Variants in TRDN observed in about 807,000 individuals in gnomAD.
TRDN encodes triadin in skeletal muscle.
A neutral mutation model predicts 149.7 loss-of-function variants in TRDN; 161 were observed. That is an observed-to-expected ratio of 1.08 (90% CI 0.95 to 1.23). The LOEUF is 1.23. TRDN is among the 50% of genes most tolerant of loss of function. TRDN has a pLI of 0.00. For missense variants in TRDN, 896 were observed against 823.5 expected (o/e 1.09, Z -1.08); for synonymous variants, 294 against 250.5 (o/e 1.17, Z -1.64).
chr6:123,410,985 G>GA lies in TRDN; in HGVS notation c.1052-17309dup, dbSNP rs530255336. On this transcript the variant is annotated intron_variant, in intron 12 of 40. Coordinates refer to ENST00000334268, the MANE Select transcript of TRDN (RefSeq NM_006073.4). ...CGGCCAAATTTGATATTTACAAGCA[G>GA]AAGAGTGCCTGGTGTGTAGCTGTTA... Among the ~76,000 whole-genome samples the GA allele has an allele frequency of 3.5e-3, 535 of 151,308 alleles. 1 individual carries two copies. The highest frequency in any genetic ancestry group is 6.1e-3 in the Non-Finnish European group (417 of 67,900).
At chr6:123,421,430 T>C in intron 12 of TRDN, among the ~76,000 whole-genome samples, 1 of 152,166 alleles carries the variant, frequency 6.6e-6, no homozygotes, top group Non-Finnish European at 1.5e-5. Flanking sequence ...ATTATCCAGT[T>C]GTGCCCACAA....
intron 23 of TRDN, among the ~76,000 whole-genome samples, chr6:123,323,944 C>A (rs1582872508): frequency 6.6e-6 from 1 of 152,246 alleles, no homozygotes; most frequent in Admixed American, 6.5e-5. Context: ...GAGGTGGCTG[C>A]ATGCATTTGT....
At chr6:123,334,116 A>G (rs1321392598) in intron 22 of TRDN, among the ~76,000 whole-genome samples, 2 of 152,032 alleles carry the variant, frequency 1.3e-5, no homozygotes, top group African/African-American at 4.8e-5. Context: ...CGAAGTCTTC[A>G]GACAACTTAC....
chr6:123,472,414 C>A (rs1362588412), intron 9 of TRDN, among the ~76,000 whole-genome samples: 3 of 152,246 alleles, frequency 2.0e-5, no homozygotes, highest in Non-Finnish European at 4.4e-5. Context: ...TATCCCACAC[C>A]TGGCTCGGAG....
chr6:123,509,259 C>T (rs1779062365), intron 7 of TRDN, among the ~76,000 whole-genome samples: 1 of 151,958 alleles, frequency 6.6e-6, no homozygotes, highest in Non-Finnish European at 1.5e-5. Context: ...CAAGCAGACT[C>T]AAGATGGCTC....
At chr6:123,630,044 AAACTT>A (rs1353224663) in intron 1 of TRDN, among the ~76,000 whole-genome samples, 1 of 152,014 alleles carries the variant, frequency 6.6e-6, no homozygotes, top group East Asian at 1.9e-4. Flanking sequence ...GAGACAGCAA[AAACTT>A]AACCTTGACA....
chr6:123,249,489 T>G lies in TRDN; in HGVS notation c.1975+2923A>C, dbSNP rs1326669449. Among the ~76,000 whole-genome samples the G allele has an allele frequency of 3.9e-5, 6 of 152,156 alleles. No individual in the cohort carries two copies. In the East Asian group the frequency reaches 9.6e-4, roughly 24 times the overall value. On this transcript the variant is annotated intron_variant, in intron 38 of 40. Coordinates refer to ENST00000334268, the MANE Select transcript of TRDN (RefSeq NM_006073.4). ...AAAGATACCTGTACTTCTATGTTTA[T>G]TGCAGCACTATTCACAATAGCAAAG...
chr6:123,253,735 A>G (rs946397161), intron 37 of TRDN, among the ~76,000 whole-genome samples: 5 of 152,164 alleles, frequency 3.3e-5, no homozygotes, highest in Admixed American at 6.6e-5. Context: ...TTAAAACGAT[A>G]GATTCACAGA....
At chr6:123,354,347 A>G (rs1780578672) in intron 20 of TRDN, among the ~76,000 whole-genome samples, 1 of 151,862 alleles carries the variant, frequency 6.6e-6, no homozygotes, top group Non-Finnish European at 1.5e-5. Flanking sequence ...AGTGAAAACA[A>G]TTTAAGGAAA....
intron 2 of TRDN, among the ~76,000 whole-genome samples, chr6:123,569,488 TAAGCTCTTGCATTGCTATA>T (rs1383770163): frequency 3.3e-5 from 5 of 152,182 alleles, no homozygotes; most frequent in South Asian, 2.1e-4. Context: ...TTTTCTGTAT[TAAGCTCTTGCATTGCTATA>T]AAGCTCTTGC....
intron 19 of TRDN, 121 bp from the exon 20 acceptor site, chr6:123,366,303 T>C: frequency 1.1e-6 from 1 of 898,274 alleles, no homozygotes; most frequent in Non-Finnish European, 1.6e-6. Context: ...CAAAGCAAGC[T>C]GTAGAGAAAG....
intron 24 of TRDN, among the ~76,000 whole-genome samples, chr6:123,314,606 A>G (rs961620404): frequency 6.6e-6 from 1 of 152,080 alleles, no homozygotes; most frequent in Non-Finnish European, 1.5e-5. Flanking sequence ...ATGCTCATCA[A>G]TGATAGACTG....
chr6:123,601,222 G>A (rs1784258675), intron 1 of TRDN, among the ~76,000 whole-genome samples: 2 of 152,256 alleles, frequency 1.3e-5, no homozygotes, highest in South Asian at 4.1e-4. Flanking sequence ...TGGATGCACA[G>A]CAGAGATAGA....
rs868229470 is a variant in TRDN, at chr6:123,584,271, A to G, written c.23-13139T>C. Among the ~76,000 whole-genome samples the G allele has an allele frequency of 1.1e-3, 174 of 151,424 alleles. 1 individual carries two copies. The highest frequency in any genetic ancestry group is 3.2e-3 in the African/African-American group (132 of 41,236). On this transcript the variant is annotated intron_variant, in intron 1 of 40. Coordinates refer to ENST00000334268, the MANE Select transcript of TRDN (RefSeq NM_006073.4). ...GGGGAGCAGAAAGTATATGCGTCAG[A>G]TATGAGGAAGAAAATAGATTTTGGA...
chr6:123,610,130 C>G (rs1784727089), intron 1 of TRDN, among the ~76,000 whole-genome samples: 1 of 152,122 alleles, frequency 6.6e-6, no homozygotes, highest in Admixed American at 6.6e-5. Context: ...CATGCAATAG[C>G]TATTAAGAGT....
At chr6:123,309,351 T>A (rs1417700818) in intron 24 of TRDN, among the ~76,000 whole-genome samples, 1 of 151,956 alleles carries the variant, frequency 6.6e-6, no homozygotes, top group African/African-American at 2.4e-5. Context: ...CATTCCTGTC[T>A]CTAGGCTAGC....
chr6:123,393,723 A>G, intron 12 of TRDN, 46 bp from the exon 13 acceptor site: 1 of 1,532,486 alleles, frequency 6.5e-7, no homozygotes, highest in Non-Finnish European at 8.9e-7. Flanking sequence ...TGATTTTGGA[A>G]AAATATATAA....
rs79375593 is a variant in TRDN at position 123,249,275 on chromosome 6, CA to C, written c.1975+3136del. ...GTCAGAATGGCTATTATTAAAAAGT[CA>C]AAAAAAATATGTTGACGAGGATGTG... On this transcript the variant is annotated intron_variant, in intron 38 of 40. Transcript: ENST00000334268. 4.8e-3 allele frequency among the ~76,000 whole-genome samples: 723 copies of C among 151,184 alleles called. 24 individuals are homozygous for C. The South Asian group carries it at 0.076, about 16-fold the overall frequency.
intron 2 of TRDN, among the ~76,000 whole-genome samples, chr6:123,562,521 G>T (rs1283045894): frequency 6.6e-6 from 1 of 152,164 alleles, no homozygotes; most frequent in Non-Finnish European, 1.5e-5. Flanking sequence ...GGTTCTCACA[G>T]ATACCAAAAC....
Sources: allele counts gnomAD v4.1 joint callset (sites outside exome capture counted in the v4.1 genomes callset), GRCh38; gene constraint gnomAD v4.1.1; transcripts MANE v1.5; gene names NCBI Gene and HGNC (gene_info 2026-07-23, HGNC 2026-07-21).